STPG2: variants seen among roughly 807,000 people sequenced by gnomAD.
STPG2 encodes the protein sperm tail PG-rich repeat containing 2.
STPG2 carries 56 observed loss-of-function variants against 54.2 expected under a neutral mutation model. The observed-to-expected ratio is 1.03, with a 90% CI of 0.83 to 1.29. The LOEUF (loss-of-function observed/expected upper bound fraction) is 1.29. STPG2 is among the 50% of genes most tolerant of loss of function. The pLI is 0.00. For missense variants in STPG2, 596 were observed against 544.9 expected (o/e 1.09, Z -0.93); for synonymous variants, 200 against 181.8 (o/e 1.10, Z -0.81).
intron 8 of STPG2, among the ~76,000 whole-genome samples, chr4:97,869,902 A>G (rs930402883): frequency 4.6e-5 from 7 of 151,590 alleles, no homozygotes; most frequent in African/African-American, 1.7e-4. Flanking sequence ...ACTTGCTTAC[A>G]TCACTGTTTG....
At chr4:97,771,883 T>A (rs1241126955) in intron 9 of STPG2, among the ~76,000 whole-genome samples, 1 of 152,186 alleles carries the variant, frequency 6.6e-6, no homozygotes, top group African/African-American at 2.4e-5. Context: ...AGGCTTGATC[T>A]TGTGGTGGTC....
chr4:97,759,071 C>A (rs1169939280), intron 9 of STPG2, among the ~76,000 whole-genome samples: 1 of 152,036 alleles, frequency 6.6e-6, no homozygotes, highest in East Asian at 1.9e-4. Context: ...CAAGTTATTA[C>A]AGAGATGATG....
intron 10 of STPG2, among the ~76,000 whole-genome samples, chr4:97,627,952 T>C (rs1734177183): frequency 6.6e-6 from 1 of 152,146 alleles, no homozygotes; most frequent in Non-Finnish European, 1.5e-5. Context: ...TATTCCTCTG[T>C]CTTTTTGTCC....
chr4:97,498,569 A>T (rs1279811587), intron 4 of STPG2, among the ~76,000 whole-genome samples: 2 of 151,900 alleles, frequency 1.3e-5, no homozygotes, highest in Admixed American at 1.3e-4. Context: ...AATGTTACTT[A>T]GAAATTTCCA....
chr4:97,921,311 C>T (rs1732097042), intron 8 of STPG2, among the ~76,000 whole-genome samples: 1 of 152,056 alleles, frequency 6.6e-6, no homozygotes. Context: ...GACTCATAGT[C>T]CAGACCTACC....
intron 4 of STPG2, among the ~76,000 whole-genome samples, chr4:97,543,574 T>C (rs1195547632): frequency 1.3e-5 from 2 of 152,192 alleles, no homozygotes; most frequent in East Asian, 1.9e-4. Flanking sequence ...TGCCAGATAT[T>C]TGGATATTTT....
chr4:97,633,870 A>ACAG (rs1232872479), intron 10 of STPG2: 1 of 155,352 alleles, frequency 6.4e-6, no homozygotes, highest in Non-Finnish European at 1.4e-5. Context: ...GATTGCTAGC[A>ACAG]CAGCAGTCTG....
chr4:97,521,057 A>G (rs1731170571), intron 4 of STPG2, among the ~76,000 whole-genome samples: 1 of 152,092 alleles, frequency 6.6e-6, no homozygotes, highest in Non-Finnish European at 1.5e-5. Flanking sequence ...ATGTGATGTT[A>G]TAATATGTAC....
At chr4:98,080,789 G>T (rs999273715) in intron 5 of STPG2, among the ~76,000 whole-genome samples, 1 of 152,146 alleles carries the variant, frequency 6.6e-6, no homozygotes. Flanking sequence ...TTTAAAATGG[G>T]ACTCAACATG....
At chr4:97,845,519 G>T (rs1265155058) in intron 8 of STPG2, among the ~76,000 whole-genome samples, 2 of 152,036 alleles carry the variant, frequency 1.3e-5, no homozygotes, top group East Asian at 1.9e-4. Flanking sequence ...TATATGTGGA[G>T]CTGTGCATAC....
intron 5 of STPG2, among the ~76,000 whole-genome samples, chr4:98,052,982 G>T (rs1025547770): frequency 6.6e-6 from 1 of 152,116 alleles, no homozygotes; most frequent in South Asian, 2.1e-4. Flanking sequence ...TTCTCAGAAA[G>T]AAATCACATC....
rs553698510 is a variant in STPG2 at position 97,641,402 on chromosome 4, A to G, written c.1320+71297T>C. On this transcript the variant is annotated intron_variant, in intron 10 of 10. Coordinates refer to ENST00000295268, the MANE Select transcript of STPG2 (RefSeq NM_174952.3). Reference sequence around the variant, plus strand: ...GAATCAATCCTTCAACATTAATGATACATCATAGCACTTATGTATACTCAT... The same window carrying G: ...GAATCAATCCTTCAACATTAATGATGCATCATAGCACTTATGTATACTCAT... 4.7e-5 allele frequency among the ~76,000 whole-genome samples: 7 copies of G among 150,250 alleles called. No individual in the cohort carries two copies. The South Asian group carries it at 1.5e-3, about 31-fold the overall frequency.
At chr4:97,445,431 G>A (rs918579161) in intron 4 of STPG2, among the ~76,000 whole-genome samples, 3 of 151,930 alleles carry the variant, frequency 2.0e-5, no homozygotes, top group East Asian at 1.9e-4. Flanking sequence ...TTTTTCTAAC[G>A]ACCACATAAG....
At chr4:98,015,376 C>T (rs1232921657) in intron 5 of STPG2, among the ~76,000 whole-genome samples, 1 of 152,076 alleles carries the variant, frequency 6.6e-6, no homozygotes, top group African/African-American at 2.4e-5. Context: ...AAACAAACAA[C>T]TCCATCAAAA....
intron 9 of STPG2, among the ~76,000 whole-genome samples, chr4:97,786,626 T>G (rs1242236191): frequency 6.6e-6 from 1 of 152,102 alleles, no homozygotes; most frequent in African/African-American, 2.4e-5. Context: ...TGAAAGAGTT[T>G]AAAGAACTCT....
chr4:98,073,755 T>A (rs1242368016), intron 5 of STPG2, among the ~76,000 whole-genome samples: 1 of 151,950 alleles, frequency 6.6e-6, no homozygotes, highest in Non-Finnish European at 1.5e-5. Context: ...ATAATAATAA[T>A]AAAATTAAGG....
chr4:98,102,085 TTTTA>T (rs1739055039), intron 5 of STPG2, among the ~76,000 whole-genome samples: 2 of 152,288 alleles, frequency 1.3e-5, no homozygotes, highest in East Asian at 1.9e-4. Context: ...CCTGCAACTA[TTTTA>T]TTTATCTTAT....
chr4:97,702,194 A>G (rs1463116460), intron 10 of STPG2, among the ~76,000 whole-genome samples: 1 of 152,150 alleles, frequency 6.6e-6, no homozygotes, highest in Non-Finnish European at 1.5e-5. Flanking sequence ...CTTTTAATCC[A>G]TATTTCAGCT....
chr4:97,992,210 T>A (rs1425832249), intron 5 of STPG2, among the ~76,000 whole-genome samples: 1 of 152,198 alleles, frequency 6.6e-6, no homozygotes, highest in Non-Finnish European at 1.5e-5. Flanking sequence ...AATGTTATCT[T>A]CTAGAATTTT....
Sources: allele counts gnomAD v4.1 joint callset (sites outside exome capture counted in the v4.1 genomes callset), GRCh38; gene constraint gnomAD v4.1.1; transcripts MANE v1.5; gene names NCBI Gene and HGNC (gene_info 2026-07-23, HGNC 2026-07-21).